The following RBFOX1 variants were observed in gnomAD, a reference collection of about 807,000 sequenced individuals.
RBFOX1 encodes the protein RNA binding protein fox-1 homolog 1.
Under a neutral mutation model 57.7 loss-of-function variants are expected in RBFOX1, and 8 were observed. That is an observed-to-expected ratio of 0.14 (90% CI 0.08 to 0.25). RBFOX1 has a LOEUF of 0.25. RBFOX1 is among the 10% of genes least tolerant of loss of function. The pLI is 1.00. For missense variants in RBFOX1, 611 were observed against 548.5 expected (o/e 1.11, Z -1.14); for synonymous variants, 326 against 222.4 (o/e 1.47, Z -4.15).
intron 3 of RBFOX1, among the ~76,000 whole-genome samples, chr16:6,683,317 G>T (rs1308435137): frequency 6.6e-6 from 1 of 152,064 alleles, no homozygotes; most frequent in Non-Finnish European, 1.5e-5. Context: ...ATACGGTCCT[G>T]GGCATTAGAT....
intron 3 of RBFOX1, among the ~76,000 whole-genome samples, chr16:5,733,459 C>T (rs1384886979): frequency 6.6e-6 from 1 of 152,164 alleles, no homozygotes; most frequent in East Asian, 1.9e-4. Context: ...CTTAGATTGT[C>T]CTCCCGAGCA....
At chr16:7,483,758 C>T (rs1200287639) in intron 4 of RBFOX1, among the ~76,000 whole-genome samples, 1 of 152,150 alleles carries the variant, frequency 6.6e-6, no homozygotes, top group African/African-American at 2.4e-5. Context: ...GGCTTTGCAT[C>T]CAGAGTTAAA....
intron 4 of RBFOX1, among the ~76,000 whole-genome samples, chr16:7,095,014 C>G (rs1052394600): frequency 2.0e-5 from 3 of 152,276 alleles, no homozygotes; most frequent in Admixed American, 6.5e-5. Flanking sequence ...CCTTTTTACT[C>G]TTACAGAGTG....
intron 4 of RBFOX1, among the ~76,000 whole-genome samples, chr16:7,069,471 G>T (rs549547741): frequency 6.6e-6 from 1 of 152,152 alleles, no homozygotes; most frequent in South Asian, 2.1e-4. Context: ...TCCTGTTTTC[G>T]TTCACTGAGG....
intron 1 of RBFOX1, among the ~76,000 whole-genome samples, chr16:5,273,908 T>C (rs1027691763): frequency 1.9e-4 from 29 of 152,130 alleles, no homozygotes; most frequent in African/African-American, 7.0e-4. Context: ...AATGACAAGA[T>C]TGAATTCCCC....
intron 1 of RBFOX1, among the ~76,000 whole-genome samples, chr16:6,233,808 C>T (rs910825855): frequency 1.3e-5 from 2 of 152,138 alleles, no homozygotes; most frequent in Admixed American, 1.3e-4. Context: ...CCTCCATGTT[C>T]TCTGTCACTA....
intron 2 of RBFOX1, among the ~76,000 whole-genome samples, chr16:5,553,572 C>T (rs2045551186): frequency 2.0e-5 from 3 of 151,778 alleles, no homozygotes; most frequent in African/African-American, 7.3e-5. Flanking sequence ...GTCTCAGCCT[C>T]CCAAAGTGCT....
intron 2 of RBFOX1, among the ~76,000 whole-genome samples, chr16:6,509,721 C>A (rs144254493): frequency 1.3e-5 from 2 of 152,210 alleles, no homozygotes; most frequent in East Asian, 3.9e-4. Context: ...AGATTAAATG[C>A]TTAAGGAGAT....
At chr16:6,256,039 A>G (rs934887123) in intron 1 of RBFOX1, among the ~76,000 whole-genome samples, 8 of 150,474 alleles carry the variant, frequency 5.3e-5, no homozygotes, top group African/African-American at 2.0e-4. Context: ...TGTATCCCAG[A>G]ACGTAAAGTT....
chr16:6,246,984 C>T (rs371104039), intron 1 of RBFOX1, among the ~76,000 whole-genome samples: 2 of 152,118 alleles, frequency 1.3e-5, no homozygotes, highest in African/African-American at 4.8e-5. Context: ...ACAGGAGAAT[C>T]GCTTGAACCC....
intron 4 of RBFOX1, among the ~76,000 whole-genome samples, chr16:5,893,178 C>G (rs2058085723): frequency 6.6e-6 from 1 of 152,200 alleles, no homozygotes; most frequent in Non-Finnish European, 1.5e-5. Context: ...TCAGCTGATG[C>G]TCCAGAAGTA....
chr16:7,225,855 TAACA>T (rs1461374375), intron 4 of RBFOX1, among the ~76,000 whole-genome samples: 2 of 147,222 alleles, frequency 1.4e-5, no homozygotes, highest in South Asian at 2.2e-4. Context: ...TATACATATG[TAACA>T]AACCTGCATA....
chr16:6,432,662 A>C (rs965043706), intron 2 of RBFOX1, among the ~76,000 whole-genome samples: 1 of 152,064 alleles, frequency 6.6e-6, no homozygotes, highest in Admixed American at 6.5e-5. Context: ...AGGCTGAGTA[A>C]CAGATTGAGA....
intron 1 of RBFOX1, among the ~76,000 whole-genome samples, chr16:5,241,626 G>A (rs1395423878): frequency 1.3e-5 from 2 of 152,218 alleles, no homozygotes; most frequent in African/African-American, 4.8e-5. Flanking sequence ...GTGGCAAATG[G>A]ATCTGTCAAC....
intron 1 of RBFOX1, among the ~76,000 whole-genome samples, chr16:6,076,655 G>A (rs2095906327): frequency 6.6e-6 from 1 of 151,968 alleles, no homozygotes; most frequent in Admixed American, 6.6e-5. Flanking sequence ...TTTTTGTTAT[G>A]TATAAGGAAG....
At chr16:6,645,259 C>T (rs918516318) in intron 2 of RBFOX1, among the ~76,000 whole-genome samples, 1 of 152,152 alleles carries the variant, frequency 6.6e-6, no homozygotes, top group African/African-American at 2.4e-5. Context: ...TGCACAGACT[C>T]CATTTGCAAA....
intron 4 of RBFOX1, among the ~76,000 whole-genome samples, chr16:7,298,550 C>T (rs1333073088): frequency 6.6e-6 from 1 of 152,008 alleles, no homozygotes; most frequent in Non-Finnish European, 1.5e-5. Flanking sequence ...CCTTGGCCTC[C>T]CAAAGTGCCG....
chr16:7,668,384 T>C (rs992876011), intron 13 of RBFOX1, among the ~76,000 whole-genome samples: 1 of 152,126 alleles, frequency 6.6e-6, no homozygotes, highest in African/African-American at 2.4e-5. Flanking sequence ...ATCACAGATA[T>C]CTTGAAATTG....
intron 4 of RBFOX1, among the ~76,000 whole-genome samples, chr16:7,251,686 G>A (rs573701843): frequency 2.0e-5 from 3 of 152,188 alleles, no homozygotes; most frequent in East Asian, 1.9e-4. Context: ...TCGCAAAGTC[G>A]TGGGATTACA....
Sources: allele counts gnomAD v4.1 joint callset (sites outside exome capture counted in the v4.1 genomes callset), GRCh38; gene constraint gnomAD v4.1.1; transcripts MANE v1.5; gene names NCBI Gene and HGNC (gene_info 2026-07-23, HGNC 2026-07-21).